ZNF407: variants seen among roughly 807,000 people sequenced by gnomAD.
ZNF407 encodes zinc finger protein 407.
A neutral mutation model predicts 131.2 loss-of-function variants in ZNF407; 17 were observed. The observed-to-expected ratio is 0.13, with a 90% confidence interval of 0.09 to 0.19. The LOEUF is 0.19. Ranked by LOEUF, ZNF407 falls within the 10% of genes least tolerant of loss-of-function variation. The probability of loss-of-function intolerance (pLI) is 1.00; values close to 1 mark genes in which losing one functional copy is unlikely to be tolerated. For synonymous variants in ZNF407, 1,156 were observed against 1,062.0 expected (o/e 1.09, Z -1.72); for missense variants, 2,681 against 2,830.6 (o/e 0.95, Z 1.20).
intron 8 of ZNF407, among the ~76,000 whole-genome samples, chr18:75,009,092 TA>T (rs1482165812): frequency 6.6e-6 from 1 of 152,232 alleles, no homozygotes; most frequent in Admixed American, 6.5e-5. Context: ...TATTCCAGAA[TA>T]TACTTTCAGG....
chr18:74,648,535 T>C (rs191088274), intron 3 of ZNF407, among the ~76,000 whole-genome samples: 2 of 152,258 alleles, frequency 1.3e-5, no homozygotes, highest in Non-Finnish European at 2.9e-5. Context: ...GAAAGCCTGG[T>C]GGGAAGTGAG....
intron 8 of ZNF407, among the ~76,000 whole-genome samples, chr18:75,021,169 C>T (rs907782054): frequency 2.0e-5 from 3 of 152,052 alleles, no homozygotes; most frequent in African/African-American, 4.8e-5. Flanking sequence ...AAAAGCAACA[C>T]ATCACATAGA....
chr18:75,037,989 T>C (rs1371138645), intron 8 of ZNF407, among the ~76,000 whole-genome samples: 2 of 152,214 alleles, frequency 1.3e-5, no homozygotes, highest in Non-Finnish European at 2.9e-5. Flanking sequence ...TTAACATCTC[T>C]CTTTATAACT....
intron 8 of ZNF407, among the ~76,000 whole-genome samples, chr18:74,981,266 G>A (rs370051908): frequency 7.8e-4 from 119 of 152,324 alleles, no homozygotes; most frequent in African/African-American, 2.7e-3. Context: ...CACGGGCAGC[G>A]GTTACATGCC....
rs140686934 is a variant in ZNF407 at position 75,028,350 on chromosome 18, C to T, written c.5429-34800C>T. ...GATGACCGTCTTCCCTGTGTCTTCACGTGGCCTTCCCTCTTGTGTCCTATG... is the reference window on the plus strand; with the variant it reads ...GATGACCGTCTTCCCTGTGTCTTCATGTGGCCTTCCCTCTTGTGTCCTATG... On this transcript the variant is annotated intron_variant, in intron 8 of 8. Coordinates refer to ENST00000299687, the MANE Select transcript of ZNF407 (RefSeq NM_017757.3). Among the ~76,000 whole-genome samples the T allele has an allele frequency of 4.2e-3, 640 of 152,270 alleles. 10 individuals carry two copies. Among genetic ancestry groups the T allele is most frequent in the African/African-American group, 0.015 (615 of 41,550 alleles).
rs148962770 is a variant in ZNF407 at position 74,781,716 on chromosome 18, T to C, written c.4877+214T>C. ...TTGAGTCTAGAAGTAGTTGAAAGCA[T>C]TTGGAGGACTTTGAATTTGTGAAAC... is the stretch of plus-strand genomic sequence containing the variant. On this transcript the variant is annotated intron_variant, in intron 4 of 8. Transcript: ENST00000299687. Among the ~76,000 whole-genome samples, 460 of 152,260 alleles carry C rather than the reference T, an allele frequency of 3.0e-3. 1 individual carries two copies. The highest frequency in any genetic ancestry group is 0.01 in the African/African-American group (430 of 41,564).
chr18:74,606,669 G>A (rs1241953792), intron 1 of ZNF407, among the ~76,000 whole-genome samples: 1 of 152,150 alleles, frequency 6.6e-6, no homozygotes, highest in African/African-American at 2.4e-5. Flanking sequence ...TATTATGTCG[G>A]CACACCTGAG....
At chr18:74,820,281 A>G (rs1970322890) in intron 4 of ZNF407, among the ~76,000 whole-genome samples, 1 of 152,184 alleles carries the variant, frequency 6.6e-6, no homozygotes, top group East Asian at 1.9e-4. Context: ...CCCACAGGCA[A>G]CTGCCCAGGG....
chr18:74,992,716 A>G (rs1972733154), intron 8 of ZNF407, among the ~76,000 whole-genome samples: 1 of 152,212 alleles, frequency 6.6e-6, no homozygotes, highest in Non-Finnish European at 1.5e-5. Flanking sequence ...TGTTGTTTGC[A>G]GAAAACTGTG....
intron 7 of ZNF407, among the ~76,000 whole-genome samples, chr18:74,891,224 T>G (rs1343647481): frequency 6.6e-6 from 1 of 152,160 alleles, no homozygotes; most frequent in African/African-American, 2.4e-5. Flanking sequence ...CCCCACATAG[T>G]TTGCAGGCAG....
At chr18:74,867,604 T>A (rs141207403) in intron 4 of ZNF407, among the ~76,000 whole-genome samples, 130 of 152,332 alleles carry the variant, frequency 8.5e-4, no homozygotes, top group Non-Finnish European at 1.6e-3. Context: ...TTTCTGAACC[T>A]GTGGCATGAA....
chr18:74,785,537 A>G (rs1969686265), intron 4 of ZNF407, among the ~76,000 whole-genome samples: 1 of 152,260 alleles, frequency 6.6e-6, no homozygotes, highest in Admixed American at 6.5e-5. Context: ...TGAAGCCAGT[A>G]TAATAGGACA....
At chr18:74,940,255 A>G (rs1972081818) in intron 8 of ZNF407, among the ~76,000 whole-genome samples, 1 of 152,156 alleles carries the variant, frequency 6.6e-6, no homozygotes, top group South Asian at 2.1e-4. Context: ...GATGACACCT[A>G]CTTGAGGCCA....
At chr18:74,849,056 T>TC (rs1408509566) in intron 4 of ZNF407, among the ~76,000 whole-genome samples, 14 of 144,550 alleles carry the variant, frequency 9.7e-5, no homozygotes, top group Admixed American at 3.5e-4. Flanking sequence ...TTGTTTCTTT[T>TC]TTTTTTTTTT....
At chr18:74,657,089 T>G (rs1985493102) in intron 3 of ZNF407, among the ~76,000 whole-genome samples, 1 of 151,884 alleles carries the variant, frequency 6.6e-6, no homozygotes, top group African/African-American at 2.4e-5. Flanking sequence ...CTAGTTTTTT[T>G]TTTTTTTTTT....
chr18:74,989,086 A>T (rs1307079142), intron 8 of ZNF407, among the ~76,000 whole-genome samples: 3 of 152,238 alleles, frequency 2.0e-5, no homozygotes, highest in African/African-American at 7.2e-5. Context: ...ATGTCTATCA[A>T]AAGATAAGTA....
rs1286084041 is a variant in ZNF407, at chr18:75,063,229, G to A, written c.5508G>A (p.Ala1836=). ...TFVETDSPFT[A]AALAEEPLVK... ...TGGAGACAGACAGCCCCTTCACCGC[G>A]GCGGCCTTGGCAGAAGAGCCCCTCG... Residue 1836 remains alanine (A), a synonymous_variant, in exon 9 of 9, where the codon GCG becomes GCA. Coordinates refer to ENST00000299687, the MANE Select transcript of ZNF407 (RefSeq NM_017757.3). The surrounding 1 kb of genome is among the most constrained non-coding windows in gnomAD (Gnocchi z 6.6). 11 of 1,613,340 alleles carry A rather than the reference G, an allele frequency of 6.8e-6. No individual in the cohort carries two copies. Among genetic ancestry groups the A allele is most frequent in the Non-Finnish European group, 9.3e-6 (11 of 1,179,840 alleles).
chr18:74,835,624 A>AGGG (rs372471246), intron 4 of ZNF407, among the ~76,000 whole-genome samples: 5 of 64,720 alleles, frequency 7.7e-5, no homozygotes, highest in East Asian at 4.6e-4. Flanking sequence ...TCTTGGACAG[A>AGGG]GGGGGGTGTG....
intron 2 of ZNF407, among the ~76,000 whole-genome samples, chr18:74,638,332 T>C (rs748780236): frequency 2.6e-4 from 40 of 152,276 alleles, no homozygotes; most frequent in Admixed American, 9.8e-4. Context: ...AGTTGGCTCT[T>C]GGTATATCTT....
Sources: gnomAD v4.1 joint callset for allele counts (sites outside exome capture counted in the v4.1 genomes callset) on GRCh38, gnomAD v4.1.1 for gene constraint, Gnocchi (gnomAD v3.1) non-coding constraint, MANE v1.5 for transcripts, NCBI Gene and HGNC (gene_info 2026-07-23, HGNC 2026-07-21) for gene names.